Variants in ARB2A observed in about 807,000 individuals in gnomAD.
ARB2A encodes cotranscriptional regulator ARB2A.
the ARB2A span, among the ~76,000 whole-genome samples, chr5:93,661,604 A>C: frequency 6.6e-6 from 1 of 152,170 alleles, no homozygotes; most frequent in South Asian, 2.1e-4. Flanking sequence ...AAGAAGAAAA[A>C]TTGTCTTGGG....
At chr5:93,672,955 C>T in the ARB2A span, among the ~76,000 whole-genome samples, 1 of 152,156 alleles carries the variant, frequency 6.6e-6, no homozygotes, top group Admixed American at 6.6e-5. Flanking sequence ...ACTTTAGCTA[C>T]TGCAGAAACC....
the ARB2A span, among the ~76,000 whole-genome samples, chr5:93,759,281 G>A: frequency 8.5e-5 from 13 of 152,098 alleles, no homozygotes; most frequent in African/African-American, 3.1e-4. Context: ...GAAAGTCCAG[G>A]ACCAGACAGA....
At chr5:94,075,167 G>GT in the ARB2A span, among the ~76,000 whole-genome samples, 6 of 151,958 alleles carry the variant, frequency 3.9e-5, no homozygotes, top group Non-Finnish European at 8.8e-5. Context: ...AAAATAAATT[G>GT]TAAGCATGGG....
At chr5:93,924,393 A>G in the ARB2A span, among the ~76,000 whole-genome samples, 1 of 152,210 alleles carries the variant, frequency 6.6e-6, no homozygotes, top group Non-Finnish European at 1.5e-5. Context: ...ATGTATACTG[A>G]ATGGATAACC....
the ARB2A span, among the ~76,000 whole-genome samples, chr5:93,810,339 G>A: frequency 6.6e-6 from 1 of 151,930 alleles, no homozygotes; most frequent in African/African-American, 2.4e-5. Context: ...GTCAAACAAG[G>A]CTCATCATAC....
the ARB2A span, among the ~76,000 whole-genome samples, chr5:93,833,437 C>T: frequency 1.8e-3 from 269 of 152,130 alleles, 1 homozygote; most frequent in African/African-American, 6.2e-3. Context: ...TTGGATAAAG[C>T]GTAAGTATCC....
chr5:93,985,258 C>A, the ARB2A span, among the ~76,000 whole-genome samples: 1 of 152,150 alleles, frequency 6.6e-6, no homozygotes, highest in South Asian at 2.1e-4. Context: ...TTCTTTTTTA[C>A]TAGTCATAGC....
the ARB2A span, among the ~76,000 whole-genome samples, chr5:93,774,089 T>G: frequency 6.6e-6 from 1 of 152,224 alleles, no homozygotes; most frequent in Non-Finnish European, 1.5e-5. Flanking sequence ...ATCAGTCATC[T>G]TGAATGTTAC....
At chr5:94,028,117 T>G in the ARB2A span, among the ~76,000 whole-genome samples, 1 of 152,256 alleles carries the variant, frequency 6.6e-6, no homozygotes, top group Non-Finnish European at 1.5e-5. Flanking sequence ...GAGCCTCTTA[T>G]TTTATTGCAA....
chr5:93,969,997 A>C, the ARB2A span, among the ~76,000 whole-genome samples: 2 of 152,146 alleles, frequency 1.3e-5, no homozygotes, highest in South Asian at 4.1e-4. Context: ...AATAATATAA[A>C]TACTTCAATT....
At chr5:93,644,935 A>G in the ARB2A span, among the ~76,000 whole-genome samples, 1 of 152,162 alleles carries the variant, frequency 6.6e-6, no homozygotes, top group Non-Finnish European at 1.5e-5. Flanking sequence ...GTGTGATATG[A>G]TGAGTATTTG....
chr5:93,831,893 T>TTAAA, the ARB2A span, among the ~76,000 whole-genome samples: 2 of 152,196 alleles, frequency 1.3e-5, no homozygotes, highest in South Asian at 4.1e-4. Context: ...TGTCTTCAGC[T>TTAAA]TGACTAAGGT....
chr5:93,669,401 TGACAA>T, the ARB2A span, among the ~76,000 whole-genome samples: 1 of 152,192 alleles, frequency 6.6e-6, no homozygotes, highest in Non-Finnish European at 1.5e-5. Context: ...CATACCTGAC[TGACAA>T]GACAAGTTAT....
the ARB2A span, chr5:93,866,285 T>TA: frequency 4.1e-6 from 4 of 982,284 alleles, no homozygotes; most frequent in Non-Finnish European, 4.8e-6. Flanking sequence ...ACAATTCAGA[T>TA]ATAATGCACC....
At chr5:94,058,445 G>GA in the ARB2A span, among the ~76,000 whole-genome samples, 7 of 151,560 alleles carry the variant, frequency 4.6e-5, no homozygotes, top group Non-Finnish European at 8.8e-5. Context: ...GAATTAGAAG[G>GA]AAAAAACATC....
At chr5:93,855,946 C>T in the ARB2A span, among the ~76,000 whole-genome samples, 5 of 151,806 alleles carry the variant, frequency 3.3e-5, no homozygotes, top group East Asian at 1.9e-4. Flanking sequence ...TCACCAGTAA[C>T]GGAACAAAGC....
the ARB2A span, among the ~76,000 whole-genome samples, chr5:94,105,908 G>A: frequency 6.6e-6 from 1 of 152,060 alleles, no homozygotes; most frequent in African/African-American, 2.4e-5. Context: ...AATAAAGAGT[G>A]CTGGGATAAC....
the ARB2A span, among the ~76,000 whole-genome samples, chr5:93,795,836 A>T: frequency 1.3e-5 from 1 of 79,160 alleles, no homozygotes; most frequent in Non-Finnish European, 2.7e-5. Flanking sequence ...CTTTCAGAAG[A>T]CTATTGAAAA....
chr5:93,791,544 T>C, the ARB2A span, among the ~76,000 whole-genome samples: 13 of 152,338 alleles, frequency 8.5e-5, no homozygotes, highest in Non-Finnish European at 1.3e-4. Flanking sequence ...CCCTCACAGA[T>C]GGACAAGCAG....
Sources: allele counts gnomAD v4.1 joint callset (sites outside exome capture counted in the v4.1 genomes callset), GRCh38; gene constraint gnomAD v4.1.1; transcripts MANE v1.5; gene names NCBI Gene and HGNC (gene_info 2026-07-23, HGNC 2026-07-21).